MID2: variants seen among roughly 807,000 people sequenced by gnomAD.
The protein encoded by MID2 is midline 2, also known as probable E3 ubiquitin-protein ligase MID2.
In MID2, 13 loss-of-function variants were observed where a neutral mutation model predicts 46.1. The observed-to-expected ratio is 0.28, with a 90% CI of 0.18 to 0.45. The LOEUF is 0.45. Ranked by LOEUF, MID2 falls within the 20% of genes least tolerant of loss-of-function variation. The probability of loss-of-function intolerance (pLI) is 1.00; values close to 1 mark genes in which losing one functional copy is unlikely to be tolerated. For missense variants in MID2, 431 were observed against 575.4 expected, an observed-to-expected ratio of 0.75 and a Z score of 2.57; for synonymous variants, 199 against 212.3, an observed-to-expected ratio of 0.94 and a Z score of 0.55.
At chrX:107,888,079 C>T (rs1932504573) in intron 3 of MID2, among the ~76,000 whole-genome samples, 1 of 111,766 alleles carries the variant, frequency 8.9e-6, no homozygotes, top group Non-Finnish European at 1.9e-5. Flanking sequence ...AAACCAGCTC[C>T]TGGATTCATT....
At chrX:107,910,696 C>G (rs1367998429) in intron 5 of MID2, among the ~76,000 whole-genome samples, 1 of 99,662 alleles carries the variant, frequency 1.0e-5, no homozygotes, top group African/African-American at 3.6e-5. Flanking sequence ...CCATTACGAT[C>G]TAGAAGTTTT....
At chrX:107,862,583 G>T (rs1931882519) in intron 3 of MID2, among the ~76,000 whole-genome samples, 1 of 111,994 alleles carries the variant, frequency 8.9e-6, no homozygotes, top group African/African-American at 3.2e-5. Context: ...AACATTTACT[G>T]CCCTTCTGCA....
At chrX:107,884,455 A>G (rs1932401301) in intron 3 of MID2, among the ~76,000 whole-genome samples, 1 of 112,214 alleles carries the variant, frequency 8.9e-6, no homozygotes, top group Admixed American at 9.4e-5. Flanking sequence ...TACCAGTCAG[A>G]AAGATAGCTC....
intron 7 of MID2, among the ~76,000 whole-genome samples, chrX:107,922,897 C>G (rs1437050530): frequency 9.0e-6 from 1 of 111,452 alleles, no homozygotes; most frequent in East Asian, 2.8e-4. Flanking sequence ...ATGTTTTCCT[C>G]TTTGTATTAA....
In MID2 at chrX:107,916,082, A is replaced by AT; in HGVS notation, c.1159dup (p.Ser387PhefsTer31). The AT allele has an allele frequency of 8.3e-7, 1 of 1,204,883 alleles. No individual in the cohort carries two copies. The highest frequency in any genetic ancestry group is 1.1e-6 in the Non-Finnish European group (1 of 891,393). On this transcript the variant is annotated frameshift_variant, in exon 6 of 10. Coordinates refer to ENST00000262843, the MANE Select transcript of MID2 (RefSeq NM_012216.4). LOFTEE classifies it high-confidence loss of function. The stretch of plus-strand genomic sequence containing the variant: ...GATGCCTTTGAAAACTTTGCTTTAG[A>AT]TTTTTCCAGAGAAAAGAAACTGCTA...
At chrX:107,897,404 A>T (rs1254564823) in intron 3 of MID2, among the ~76,000 whole-genome samples, 1 of 111,695 alleles carries the variant, frequency 9.0e-6, no homozygotes, top group East Asian at 2.8e-4. Flanking sequence ...GTGACTAAAA[A>T]TTCTATTAAT....
chrX:107,915,284 C>T (rs1478370841), intron 5 of MID2, among the ~76,000 whole-genome samples: 2 of 112,003 alleles, frequency 1.8e-5, no homozygotes, highest in Non-Finnish European at 3.8e-5. Flanking sequence ...AGGTCAGGTG[C>T]GGTGGCTAGC....
chrX:107,870,753 CTTTT>C (rs59717985), intron 3 of MID2, among the ~76,000 whole-genome samples: 7 of 74,187 alleles, frequency 9.4e-5, no homozygotes, highest in African/African-American at 3.4e-4. Flanking sequence ...CAAATTGCGG[CTTTT>C]TTTTTTTTTT....
At chrX:107,889,534 C>T (rs980774876) in intron 3 of MID2, among the ~76,000 whole-genome samples, 26 of 111,621 alleles carry the variant, frequency 2.3e-4, no homozygotes, top group Non-Finnish European at 2.8e-4. Flanking sequence ...CGGCCTTTCT[C>T]TCTGGCTGCC....
chrX:107,872,957 C>T (rs996943289), intron 3 of MID2, among the ~76,000 whole-genome samples: 4 of 110,746 alleles, frequency 3.6e-5, no homozygotes, highest in East Asian at 2.8e-4. Flanking sequence ...TCAGGGGCGA[C>T]GAGTCTCCTA....
chrX:107,852,215 T>A (rs1371281807), intron 2 of MID2, among the ~76,000 whole-genome samples: 1 of 112,214 alleles, frequency 8.9e-6, no homozygotes, highest in Non-Finnish European at 1.9e-5. Context: ...TGTACTTTTC[T>A]CATTACATTC....
rs1489748474 is a variant in MID2, at chrX:107,826,239, G to A, written c.-188G>A. ...GCGCGCGGGCTGGCGGATCCCGGCT[G>A]CTGCGCGGCGTCGGCGACGGTAGCG... On this transcript the variant is annotated 5_prime_UTR_variant, in exon 1 of 10. Coordinates refer to ENST00000262843, the MANE Select transcript of MID2 (RefSeq NM_012216.4). The A allele has an allele frequency of 5.3e-6, 2 of 379,054 alleles. No individual in the cohort carries two copies. The highest frequency in any genetic ancestry group is 7.9e-6 in the Non-Finnish European group (2 of 253,578). 31.2% of individuals were successfully genotyped at this position (379,054 alleles called of 1,213,427 possible).
At chrX:107,901,657 A>G (rs1932795339) in intron 3 of MID2, among the ~76,000 whole-genome samples, 1 of 111,758 alleles carries the variant, frequency 8.9e-6, no homozygotes, top group African/African-American at 3.3e-5. Context: ...ACAGACTAAT[A>G]TGATAAAATA....
intron 9 of MID2, 51 bp downstream of exon 9, chrX:107,926,352 C>A: frequency 2.0e-6 from 2 of 1,011,579 alleles, no homozygotes; most frequent in Non-Finnish European, 2.8e-6. Context: ...CATTAGGTTC[C>A]TAGGAGATTC....
intron 3 of MID2, among the ~76,000 whole-genome samples, chrX:107,877,393 G>C (rs988009470): frequency 1.8e-5 from 2 of 112,063 alleles, no homozygotes; most frequent in African/African-American, 6.5e-5. Flanking sequence ...AGTACAGACT[G>C]GGGTGGTGAA....
At chrX:107,864,754 G>A (rs932668537) in intron 3 of MID2, among the ~76,000 whole-genome samples, 1 of 111,987 alleles carries the variant, frequency 8.9e-6, no homozygotes, top group Non-Finnish European at 1.9e-5. Context: ...AAGAGTGAAT[G>A]CATTGCTATT....
chrX:107,910,307 A>G lies in MID2; in HGVS notation c.1073+4681A>G, dbSNP rs965225966. On this transcript the variant is annotated intron_variant, in intron 5 of 9. Coordinates refer to ENST00000262843, the MANE Select transcript of MID2 (RefSeq NM_012216.4). ...TAGCATACATCCTCCAGGTTCATTT[A>G]TGCTGTCAAGGATAACAGGATTTCC... Among the ~76,000 whole-genome samples, 5 of 112,003 alleles carry G rather than the reference A, an allele frequency of 4.5e-5. No individual in the cohort carries two copies. In the Admixed American group the frequency reaches 4.7e-4, roughly 11 times the overall value.
rs183528551 is a variant in MID2, at chrX:107,865,763, A to G, written c.816+11059A>G. On this transcript the variant is annotated intron_variant, in intron 3 of 9. Transcript: ENST00000262843. ...GTAACATCAAAGGCACAAAACAATC[A>G]CTGGCTTTGGAATAATTTCTAAACC... 2.3e-3 allele frequency among the ~76,000 whole-genome samples: 258 copies of G among 112,643 alleles called. 1 individual carries two copies. The highest frequency in any genetic ancestry group is 8.1e-3 in the African/African-American group (250 of 30,953).
At chrX:107,924,203 C>A in intron 7 of MID2, 140 bp from the exon 8 acceptor site, 1 of 550,376 alleles carries the variant, frequency 1.8e-6, no homozygotes, top group Non-Finnish European at 2.9e-6. Context: ...CCTGGTTCAT[C>A]TCATTACATC....
Sources: allele counts gnomAD v4.1 joint callset (sites outside exome capture counted in the v4.1 genomes callset), GRCh38; gene constraint gnomAD v4.1.1; transcripts MANE v1.5; gene names NCBI Gene and HGNC (gene_info 2026-07-23, HGNC 2026-07-21).